STAG2: variants seen among roughly 807,000 people sequenced by gnomAD.
STAG2 encodes STAG2 cohesin complex component.
In STAG2, 14 loss-of-function variants were observed where a neutral mutation model predicts 108.1. That is an observed-to-expected ratio of 0.13 (90% CI 0.09 to 0.20). The LOEUF is 0.20. STAG2 is among the 10% of genes least tolerant of loss of function. The pLI, the probability that STAG2 is intolerant of heterozygous loss-of-function variation, is 1.00. For missense variants in STAG2, 440 were observed against 940.9 expected, an observed-to-expected ratio of 0.47 and a Z score of 6.96; for synonymous variants, 307 against 302.7, an observed-to-expected ratio of 1.01 and a Z score of -0.15.
At chrX:124,015,026 G>A (rs868131441) in intron 1 of STAG2, among the ~76,000 whole-genome samples, 15 of 74,144 alleles carry the variant, frequency 2.0e-4, no homozygotes, top group South Asian at 9.7e-4. Flanking sequence ...TCACTCTGTC[G>A]CCCAGGCTGG....
chrX:124,085,729 GCACCACTGCACTACAGCCTCGATGA>G (rs1165928694), intron 29 of STAG2, among the ~76,000 whole-genome samples: 1 of 97,363 alleles, frequency 1.0e-5, no homozygotes, highest in Non-Finnish European at 2.0e-5. Context: ...AGCCGAGATG[GCACCACTGCACTACAGCCTCGATGA>G]CAGAGTGAGA....
intron 17 of STAG2, 83 bp from the exon 18 acceptor site, chrX:124,062,819 C>T: frequency 8.8e-6 from 6 of 684,977 alleles, no homozygotes; most frequent in Non-Finnish European, 1.1e-5. Flanking sequence ...TTTTAGTAAT[C>T]ATTTTGTATG....
At chrX:124,054,091 G>A (rs1229878740) in intron 13 of STAG2, among the ~76,000 whole-genome samples, 1 of 112,091 alleles carries the variant, frequency 8.9e-6, no homozygotes, top group African/African-American at 3.2e-5. Context: ...CATTGTTGAT[G>A]GGAGTATAAA....
rs2057095362 is a variant in STAG2, at chrX:124,026,161, TAATA to T, written c.123+245_123+248del. Reference sequence around the variant, plus strand: ...ATAATAATAATAATAATAATAATAATAATAATAATACATTTCCAGTAGTTTATTT... The same window carrying T: ...ATAATAATAATAATAATAATAATAATATAATACATTTCCAGTAGTTTATTT... On this transcript the variant is annotated intron_variant, in intron 4 of 34. Transcript: ENST00000371145. Among the ~76,000 whole-genome samples the T allele has an allele frequency of 4.7e-5, 5 of 106,037 alleles. No homozygotes were observed. In the East Asian group the frequency reaches 1.4e-3, roughly 30 times the overall value. The allele number at this position is 106,037 out of a possible 115,157, so 92.1% of individuals were successfully genotyped here.
intron 5 of STAG2, among the ~76,000 whole-genome samples, chrX:124,033,459 G>T (rs2057407949): frequency 9.0e-6 from 1 of 110,969 alleles, no homozygotes; most frequent in African/African-American, 3.3e-5. Context: ...AGTCCATTTG[G>T]GCTGCTATTA....
chrX:123,967,975 A>G (rs1411576841), intron 1 of STAG2, among the ~76,000 whole-genome samples: 1 of 107,712 alleles, frequency 9.3e-6, no homozygotes, highest in African/African-American at 3.4e-5. Context: ...ATCTTGGCTC[A>G]CTGCAACCTC....
At chrX:124,094,935 G>GT (rs111768143) in intron 33 of STAG2, among the ~76,000 whole-genome samples, 18,759 of 106,732 alleles carry the variant, frequency 0.18, 1,312 homozygotes, top group South Asian at 0.36. Flanking sequence ...TTTTCCATGA[G>GT]TTTTTTTTTT....
chrX:123,984,488 C>T (rs1007187037), intron 1 of STAG2, among the ~76,000 whole-genome samples: 1 of 110,746 alleles, frequency 9.0e-6, no homozygotes, highest in Non-Finnish European at 1.9e-5. Context: ...TTTCTTCCCC[C>T]TCAATAGACT....
intron 1 of STAG2, among the ~76,000 whole-genome samples, chrX:123,967,229 A>G (rs1444164883): frequency 1.9e-5 from 2 of 106,185 alleles, no homozygotes; most frequent in African/African-American, 6.9e-5. Flanking sequence ...TGCCGAAGAA[A>G]GAGAGGATGA....
At chrX:124,013,310 C>CACACACACACACAA (rs1404121965) in intron 1 of STAG2, among the ~76,000 whole-genome samples, 1 of 97,765 alleles carries the variant, frequency 1.0e-5, no homozygotes, top group Non-Finnish European at 2.1e-5. Flanking sequence ...TACACATGCA[C>CACACACACACACAA]ACACACACAC....
chrX:124,006,862 T>C lies in STAG2; in HGVS notation c.-162-14505T>C, dbSNP rs151052498. Among the ~76,000 whole-genome samples, 185 of 112,098 alleles carry C rather than the reference T, an allele frequency of 1.7e-3. 2 individuals are homozygous for C. In the East Asian group the frequency reaches 0.042, roughly 25 times the overall value. On this transcript the variant is annotated intron_variant, in intron 1 of 34. Coordinates refer to ENST00000371145, the MANE Select transcript of STAG2 (RefSeq NM_001042750.2). The stretch of plus-strand genomic sequence containing the variant: ...AAAAGTTTGTTTGCTAATTATCTCT[T>C]TTATACTTAATATCTTGATTCTTAG...
At chrX:124,017,555 A>G (rs1381912549) in intron 1 of STAG2, among the ~76,000 whole-genome samples, 1 of 111,507 alleles carries the variant, frequency 9.0e-6, no homozygotes, top group Admixed American at 9.6e-5. Context: ...GGGGGGAAAA[A>G]AATTAAATCA....
chrX:123,976,041 T>C lies in STAG2; in HGVS notation c.-163+14185T>C, dbSNP rs199537013. On this transcript the variant is annotated intron_variant, in intron 1 of 34. Transcript: ENST00000371145. ...GGCTCACACCTATAATCCCAACACT[T>C]TGGGAGGCAGAGGTAGGAGCCCAGG... Among the ~76,000 whole-genome samples the C allele has an allele frequency of 9.4e-4, 105 of 111,942 alleles. No homozygotes were observed. The East Asian group carries it at 0.028, about 30-fold the overall frequency.
At chrX:123,963,732 C>G (rs763097333) in intron 1 of STAG2, among the ~76,000 whole-genome samples, 7 of 110,477 alleles carry the variant, frequency 6.3e-5, no homozygotes, top group Admixed American at 5.8e-4. Context: ...TAAATATGCC[C>G]TTTGGGTTTA....
intron 1 of STAG2, among the ~76,000 whole-genome samples, chrX:123,996,884 T>G (rs2055759611): frequency 8.9e-6 from 1 of 112,660 alleles, no homozygotes; most frequent in African/African-American, 3.2e-5. Context: ...TTTTTACATT[T>G]GAGTCTAGCA....
intron 15 of STAG2, among the ~76,000 whole-genome samples, chrX:124,060,693 G>A: frequency 9.1e-6 from 1 of 109,641 alleles, no homozygotes; most frequent in Admixed American, 9.8e-5. Context: ...GGAGGCTGAG[G>A]TGGGTGGATC....
At chrX:124,067,083 A>G (rs2058551435) in intron 23 of STAG2, among the ~76,000 whole-genome samples, 1 of 111,581 alleles carries the variant, frequency 9.0e-6, no homozygotes, top group Non-Finnish European at 1.9e-5. Context: ...TTCTGGAGTT[A>G]GGTGTTTGTA....
chrX:124,092,901 G>A (rs960602696), intron 32 of STAG2, among the ~76,000 whole-genome samples: 6 of 111,691 alleles, frequency 5.4e-5, no homozygotes, highest in African/African-American at 1.6e-4. Flanking sequence ...TAGGAAGTAA[G>A]GACCATTATA....
At chrX:124,097,179 CAAAAAAAA>C (rs56942682) in intron 34 of STAG2, among the ~76,000 whole-genome samples, 3 of 38,194 alleles carry the variant, frequency 7.9e-5, no homozygotes, top group South Asian at 6.7e-3. Flanking sequence ...GACCCTGTCT[CAAAAAAAA>C]AAAAAAAAAA....
Sources: gnomAD v4.1 joint callset for allele counts (sites outside exome capture counted in the v4.1 genomes callset) on GRCh38, gnomAD v4.1.1 for gene constraint, MANE v1.5 for transcripts, NCBI Gene and HGNC (gene_info 2026-07-23, HGNC 2026-07-21) for gene names.